The following ARHGAP24 variants were observed in gnomAD, a reference collection of about 807,000 sequenced individuals.
ARHGAP24 encodes the protein rho GTPase-activating protein 24.
Under a neutral mutation model 76.4 loss-of-function variants are expected in ARHGAP24, and 50 were observed. The observed-to-expected ratio is 0.65, with a 90% CI of 0.52 to 0.83. The LOEUF (loss-of-function observed/expected upper bound fraction) is 0.83, where lower values mean the gene tolerates loss of function less well. Ranked by LOEUF, ARHGAP24 falls within the 40% of genes least tolerant of loss-of-function variation. ARHGAP24 has a pLI of 0.00. For synonymous variants in ARHGAP24, 345 were observed against 323.3 expected (o/e 1.07, Z -0.72); for missense variants, 930 against 914.2 (o/e 1.02, Z -0.22).
chr4:85,893,552 C>A (rs1393254786), intron 3 of ARHGAP24, among the ~76,000 whole-genome samples: 1 of 87,858 alleles, frequency 1.1e-5, no homozygotes, highest in African/African-American at 4.6e-5. Flanking sequence ...TTAGGGCAGG[C>A]CTGGTGGTGA....
At chr4:85,910,574 G>A (rs904094727) in intron 3 of ARHGAP24, among the ~76,000 whole-genome samples, 5 of 152,064 alleles carry the variant, frequency 3.3e-5, no homozygotes, top group Non-Finnish European at 4.4e-5. Flanking sequence ...TAGACAGGTC[G>A]TCCCGTCATG....
At chr4:85,619,516 A>C (rs1360638381) in intron 2 of ARHGAP24, among the ~76,000 whole-genome samples, 1 of 151,850 alleles carries the variant, frequency 6.6e-6, no homozygotes, top group African/African-American at 2.4e-5. Context: ...AAGTCATTGA[A>C]ATTTTGATAG....
At chr4:85,989,596 C>T (rs146696402) in intron 8 of ARHGAP24, among the ~76,000 whole-genome samples, 2 of 151,692 alleles carry the variant, frequency 1.3e-5, no homozygotes, top group Non-Finnish European at 3.0e-5. Flanking sequence ...AAGAGAAATA[C>T]AGAATAATAT....
At chr4:85,568,094 A>G (rs966736181) in intron 1 of ARHGAP24, among the ~76,000 whole-genome samples, 4 of 152,190 alleles carry the variant, frequency 2.6e-5, no homozygotes, top group Admixed American at 6.5e-5. Flanking sequence ...GTGTACACAC[A>G]TTTCTCACTA....
At chr4:85,914,077 A>G (rs566414768) in intron 3 of ARHGAP24, among the ~76,000 whole-genome samples, 3 of 152,246 alleles carry the variant, frequency 2.0e-5, no homozygotes, top group Non-Finnish European at 4.4e-5. Context: ...AGACTCAGTC[A>G]TCTCAACATG....
chr4:85,607,754 T>TTTTTGATACGGC (rs1560550474), intron 2 of ARHGAP24, among the ~76,000 whole-genome samples: 4 of 141,878 alleles, frequency 2.8e-5, no homozygotes, highest in Admixed American at 7.0e-5. Flanking sequence ...TGAGGAAGTA[T>TTTTTGATACGGC]CAAAAATACT....
intron 3 of ARHGAP24, among the ~76,000 whole-genome samples, chr4:85,837,250 A>G (rs1239751429): frequency 2.6e-5 from 4 of 152,178 alleles, no homozygotes; most frequent in African/African-American, 4.8e-5. Flanking sequence ...TTTTCTGCCA[A>G]CCTGCTCTAT....
At chr4:85,479,716 T>C (rs1214136046) in intron 1 of ARHGAP24, among the ~76,000 whole-genome samples, 1 of 152,204 alleles carries the variant, frequency 6.6e-6, no homozygotes, top group Non-Finnish European at 1.5e-5. Context: ...ATCCAAAGTT[T>C]CTTCCTGAAA....
intron 2 of ARHGAP24, among the ~76,000 whole-genome samples, chr4:85,627,725 C>T (rs1376334506): frequency 1.3e-5 from 2 of 152,226 alleles, no homozygotes; most frequent in African/African-American, 2.4e-5. Flanking sequence ...CACCCAGTTC[C>T]AGCTTCCCCG....
chr4:85,898,404 C>A (rs1734316170), intron 3 of ARHGAP24, among the ~76,000 whole-genome samples: 1 of 152,084 alleles, frequency 6.6e-6, no homozygotes, highest in South Asian at 2.1e-4. Context: ...TGCATACAGG[C>A]TCTTAGACAC....
intron 1 of ARHGAP24, among the ~76,000 whole-genome samples, chr4:85,480,747 GA>G (rs940470744): frequency 6.6e-6 from 1 of 151,760 alleles, no homozygotes; most frequent in Non-Finnish European, 1.5e-5. Context: ...AAAAATGTAG[GA>G]AAAAAATCAC....
At chr4:85,648,260 A>T (rs1486541018) in intron 2 of ARHGAP24, among the ~76,000 whole-genome samples, 1 of 152,110 alleles carries the variant, frequency 6.6e-6, no homozygotes, top group African/African-American at 2.4e-5. Flanking sequence ...AGATCTCCTG[A>T]GATGAGGTAC....
chr4:85,564,418 G>A (rs969772960), intron 1 of ARHGAP24, among the ~76,000 whole-genome samples: 6 of 145,966 alleles, frequency 4.1e-5, no homozygotes, highest in South Asian at 2.2e-4. Flanking sequence ...GGGGGGGATA[G>A]CATTAGGAGA....
chr4:85,901,852 G>A (rs924686582), intron 3 of ARHGAP24, among the ~76,000 whole-genome samples: 1 of 151,610 alleles, frequency 6.6e-6, no homozygotes, highest in African/African-American at 2.4e-5. Flanking sequence ...TACATGTGCT[G>A]AACATGCAGG....
chr4:85,723,893 T>A (rs891077619), intron 3 of ARHGAP24, among the ~76,000 whole-genome samples: 21 of 152,350 alleles, frequency 1.4e-4, no homozygotes, highest in African/African-American at 5.0e-4. Flanking sequence ...TGTATCAGGT[T>A]ATTTTCATCA....
At chr4:85,714,915 A>G (rs910908987) in intron 2 of ARHGAP24, among the ~76,000 whole-genome samples, 1 of 152,178 alleles carries the variant, frequency 6.6e-6, no homozygotes, top group African/African-American at 2.4e-5. Context: ...TTGGCTTAAC[A>G]GCTAATGGTA....
intron 3 of ARHGAP24, among the ~76,000 whole-genome samples, chr4:85,776,668 A>G (rs942394711): frequency 6.6e-6 from 1 of 152,110 alleles, no homozygotes; most frequent in Non-Finnish European, 1.5e-5. Context: ...CTTGAATTCA[A>G]TACCCATAAT....
chr4:85,829,846 G>A (rs1230386350), intron 3 of ARHGAP24, among the ~76,000 whole-genome samples: 1 of 152,206 alleles, frequency 6.6e-6, no homozygotes, highest in Non-Finnish European at 1.5e-5. Context: ...ACACTAGAAA[G>A]TAAGTCACCT....
chr4:85,753,080 A>C (rs1437691807), intron 3 of ARHGAP24, among the ~76,000 whole-genome samples: 1 of 152,192 alleles, frequency 6.6e-6, no homozygotes, highest in Non-Finnish European at 1.5e-5. Flanking sequence ...AGAGGATGTG[A>C]GAGTGAAGAG....
Sources: gnomAD v4.1 joint callset for allele counts (sites outside exome capture counted in the v4.1 genomes callset) on GRCh38, gnomAD v4.1.1 for gene constraint, MANE v1.5 for transcripts, NCBI Gene and HGNC (gene_info 2026-07-23, HGNC 2026-07-21) for gene names.